BZW1: variants seen among roughly 807,000 people sequenced by gnomAD.
BZW1 encodes eIF5-mimic protein 2.
BZW1 carries 3 observed loss-of-function variants against 54.1 expected under a neutral mutation model. The observed-to-expected ratio is 0.06, with a 90% CI of 0.03 to 0.14. The LOEUF (loss-of-function observed/expected upper bound fraction) is 0.14, where lower values mean the gene tolerates loss of function less well. Ranked by LOEUF, BZW1 falls within the 10% of genes least tolerant of loss-of-function variation. The pLI is 1.00. For synonymous variants in BZW1, 152 were observed against 162.7 expected (o/e 0.93, Z 0.50); for missense variants, 206 against 491.7 (o/e 0.42, Z 5.50).
chr2:200,825,976 T>C lies in BZW1; in HGVS notation c.*3798T>C, dbSNP rs796355057. 16 of 152,340 alleles carry C rather than the reference T, an allele frequency of 1.1e-4. No homozygotes were observed. The highest frequency in any genetic ancestry group is 3.8e-4 in the African/African-American group (16 of 41,576). The allele number at this position is 152,340 out of a possible 1,614,324, so 9.4% of individuals were successfully genotyped here. A position where few individuals can be genotyped will look rare whatever the true frequency, so the allele number is the denominator to read the frequency against. On this transcript the variant is annotated 3_prime_UTR_variant, in exon 12 of 12. Transcript: ENST00000409600. ...TATGATTTTTCATGCTCAGTATTAG[T>C]CCTCTAGTATCAATACGAAGTTTTT...
chr2:200,827,134 G>A lies in BZW1; in HGVS notation c.*4956G>A, dbSNP rs562012658. On this transcript the variant is annotated 3_prime_UTR_variant, in exon 12 of 12. Transcript: ENST00000409600. ...TTCCATTCTAGTTAGGAGCAATGGC[G>A]CCCAGGACGGCACACAGAATGGAGA... The A allele has an allele frequency of 3.3e-5, 5 of 152,150 alleles. No individual in the cohort carries two copies. Among genetic ancestry groups the A allele is most frequent in the South Asian group, 2.1e-4 (1 of 4,810 alleles). 9.4% of individuals were successfully genotyped at this position (152,150 alleles called of 1,614,324 possible).
chr2:200,813,365 T>G, intron 2 of BZW1, 84 bp downstream of exon 2: 3 of 1,203,492 alleles, frequency 2.5e-6, no homozygotes, highest in Non-Finnish European at 3.5e-6. Context: ...ACTTGCATAT[T>G]ACTAAAGCCT....
In BZW1 at chr2:200,826,238, T is replaced by C. The variant is rs1178107341; in HGVS notation, c.*4060T>C. ...TTCTGACTCCTTTCTCTTCACTTTT[T>C]TCTCCCAGCTTAACTAGAGGCAATT... On this transcript the variant is annotated 3_prime_UTR_variant, in exon 12 of 12. Coordinates refer to ENST00000409600, the MANE Select transcript of BZW1 (RefSeq NM_001207067.2). The C allele has an allele frequency of 1.3e-5, 2 of 152,138 alleles. No individual in the cohort carries two copies. Among genetic ancestry groups the C allele is most frequent in the African/African-American group, 4.8e-5 (2 of 41,418 alleles). 9.4% of individuals were successfully genotyped at this position (152,138 alleles called of 1,614,324 possible).
chr2:200,815,627 T>A, intron 3 of BZW1, 40 bp from the exon 4 acceptor site: 1 of 1,582,786 alleles, frequency 6.3e-7, no homozygotes, highest in Non-Finnish European at 8.6e-7. Flanking sequence ...ATGGAGTGAT[T>A]TTTTTGGTTT....
intron 1 of BZW1, chr2:200,812,362 G>A: frequency 1.6e-6 from 2 of 1,280,574 alleles, no homozygotes; most frequent in South Asian, 2.7e-5. Flanking sequence ...ACCCACCACC[G>A]CTGCGGCCGC....
At position 200,826,421 on chromosome 2, in the gene BZW1, T is replaced by TGATAGATAGATAGATAGATAGA. The variant is rs1348589884; in HGVS notation, c.*4243_*4244insGATAGATAGATAGATAGATAGA. ...GATAGATAGATATTTTTTTTTTTTTTTTTTTTTTTTTTTTTTTTTTTGAGA... is the reference window on the plus strand; with the variant it reads ...GATAGATAGATATTTTTTTTTTTTTTGATAGATAGATAGATAGATAGATTTTTTTTTTTTTTTTTTTTTGAGA... On this transcript the variant is annotated 3_prime_UTR_variant, in exon 12 of 12. Coordinates refer to ENST00000409600, the MANE Select transcript of BZW1 (RefSeq NM_001207067.2). 0.022 allele frequency: 1,965 copies of TGATAGATAGATAGATAGATAGA among 87,564 alleles called. 33 individuals carry two copies. Among genetic ancestry groups the TGATAGATAGATAGATAGATAGA allele is most frequent in the Admixed American group, 0.031 (215 of 6,894 alleles). 5.4% of individuals were successfully genotyped at this position (87,564 alleles called of 1,614,324 possible).
At position 200,827,056 on chromosome 2, in the gene BZW1, A is replaced by C. The variant is rs1223584083; in HGVS notation, c.*4878A>C. 3 of 152,162 alleles carry C rather than the reference A, an allele frequency of 2.0e-5. No individual in the cohort carries two copies. The highest frequency in any genetic ancestry group is 7.2e-5 in the African/African-American group (3 of 41,438). The allele number at this position is 152,162 out of a possible 1,614,324, so 9.4% of individuals were successfully genotyped here. The stretch of plus-strand genomic sequence containing the variant: ...CCTCTATGACTTCAAAAAGATACTC[A>C]ACAGTCTCTGGCATTTGAAGAACAA... On this transcript the variant is annotated 3_prime_UTR_variant, in exon 12 of 12. Coordinates refer to ENST00000409600, the MANE Select transcript of BZW1 (RefSeq NM_001207067.2).
upstream of BZW1, chr2:200,811,906 C>G (rs981921347): frequency 1.8e-5 from 4 of 218,282 alleles, no homozygotes; most frequent in Non-Finnish European, 3.6e-5. Flanking sequence ...CTCCTCCTGG[C>G]GTTAGTTCCG....
At chr2:200,812,076 G>GCGGCCCGGCTTGGATGGGCCCGAA (rs2038085714) in intron 1 of BZW1, 86 bp downstream of exon 1, 1 of 506,900 alleles carries the variant, frequency 2.0e-6, no homozygotes, top group African/African-American at 2.0e-5. Context: ...CGGGCTGGAT[G>GCGGCCCGGCTTGGATGGGCCCGAA]CGGCCCGGCT....
At position 200,822,242 on chromosome 2, in the gene BZW1, G is replaced by A; in HGVS notation, c.*64G>A. ...GTAGATAAAATGTCATGTCTCATGT[G>A]TCCTGGTTCTTACATCTTCCTACCT... On this transcript the variant is annotated 3_prime_UTR_variant, in exon 12 of 12. Transcript: ENST00000409600. The A allele has an allele frequency of 2.1e-6, 3 of 1,414,542 alleles. 1 individual carries two copies. Among genetic ancestry groups the A allele is most frequent in the East Asian group, 2.4e-5 (1 of 42,434 alleles). 87.6% of individuals were successfully genotyped at this position (1,414,542 alleles called of 1,614,324 possible).
intron 11 of BZW1, 146 bp from the exon 12 acceptor site, chr2:200,822,001 A>G (rs761619952): frequency 3.0e-6 from 2 of 674,214 alleles, no homozygotes; most frequent in Non-Finnish European, 5.2e-6. Flanking sequence ...CCCGGGAGGC[A>G]GAGGTTGCAG....
At chr2:200,812,252 T>G (rs2038094390) in intron 1 of BZW1, 1 of 1,229,658 alleles carries the variant, frequency 8.1e-7, no homozygotes, top group Non-Finnish European at 1.0e-6. Flanking sequence ...CGAGGCGGGC[T>G]CCCTCTGGGC....
chr2:200,820,766 T>C (rs1034558309), intron 10 of BZW1, among the ~76,000 whole-genome samples: 54 of 152,304 alleles, frequency 3.5e-4, no homozygotes, highest in African/African-American at 1.3e-3. Flanking sequence ...CTTCAGCCTG[T>C]GTGAATCCTG....
At position 200,819,966 on chromosome 2, in the gene BZW1, T is replaced by C. The variant is rs1335414756; in HGVS notation, c.967-16T>C. On this transcript the variant is annotated splice_polypyrimidine_tract_variant and intron_variant, in intron 9 of 11. Transcript: ENST00000409600. ...TTGTAATGAATGACTAAATCTTTTC[T>C]CTGTTCCTTTAAAAGCAATACAGCC... 3.4e-6 allele frequency: 5 copies of C among 1,483,370 alleles called. No individual in the cohort carries two copies. In the African/African-American group the frequency reaches 5.7e-5, roughly 17 times the overall value. The allele number at this position is 1,483,370 out of a possible 1,614,324, so 91.9% of individuals were successfully genotyped here. A position where few individuals can be genotyped will look rare whatever the true frequency, so the allele number is the denominator to read the frequency against.
At chr2:200,813,690 C>T (rs967679317) in intron 2 of BZW1, among the ~76,000 whole-genome samples, 1 of 152,096 alleles carries the variant, frequency 6.6e-6, no homozygotes, top group Non-Finnish European at 1.5e-5. Context: ...AGACTTCACC[C>T]ATGGAAGTTA....
At position 200,818,273 on chromosome 2, in the gene BZW1, T is replaced by C. The variant is rs769733054; in HGVS notation, c.699T>C (p.Phe233=). The C allele has an allele frequency of 4.4e-6, 7 of 1,607,780 alleles. No homozygotes were observed. The highest frequency in any genetic ancestry group is 1.3e-5 in the African/African-American group (1 of 74,686). The change falls in exon 8 of 12, where the codon TTT becomes TTC. Residue 233 remains phenylalanine, a synonymous_variant. Transcript: ENST00000409600. ...GTGTTGAACACTTCACAAAATATTT[T>C]ACTGAGGCAGGCTTGAAAGAGCTTT... ...KQSVEHFTKY[F]TEAGLKELSE... is the part of the protein sequence containing the mutation.
intron 1 of BZW1, chr2:200,812,957 T>A: frequency 1.5e-6 from 1 of 678,662 alleles, no homozygotes; most frequent in Non-Finnish European, 2.8e-6. Flanking sequence ...ACTGTAGCAC[T>A]ACAATGTCGC....
At position 200,813,227 on chromosome 2, in the gene BZW1, C is replaced by A. The variant is rs2105862214; in HGVS notation, c.10C>A (p.Gln4Lys). 1 of 1,613,404 alleles carries A rather than the reference C, an allele frequency of 6.2e-7. No individual in the cohort carries two copies. Among genetic ancestry groups the A allele is most frequent in the South Asian group, 1.1e-5 (1 of 91,046 alleles). Reference protein sequence around the residue: MNNQKQQKPTLSGQ... With the variant: MNNKKQQKPTLSGQ... ...TCCTAGGGTGTCTTTTATGAATAAT[C>A]AAAAGCAGCAAAAGCCAACGCTATC... Residue 4 changes from glutamine to lysine, a missense_variant, in exon 2 of 12, where the codon CAA (glutamine) becomes AAA (lysine). This residue lies in a region of BZW1 where 8 missense variants were observed against 26.9 expected (regional missense o/e 0.30). Coordinates refer to ENST00000409600, the MANE Select transcript of BZW1 (RefSeq NM_001207067.2).
At chr2:200,821,842 G>T (rs371354546) in intron 11 of BZW1, among the ~76,000 whole-genome samples, 1 of 152,160 alleles carries the variant, frequency 6.6e-6, no homozygotes, top group East Asian at 1.9e-4. Context: ...AGGCTGAGGC[G>T]ATCAGGTCAT....
Sources: gnomAD v4.1 joint callset for allele counts (sites outside exome capture counted in the v4.1 genomes callset) on GRCh38, gnomAD v4.1.1 for gene constraint, gnomAD v4.1.1 regional missense constraint, MANE v1.5 for transcripts, NCBI Gene and HGNC (gene_info 2026-07-23, HGNC 2026-07-21) for gene names.